SEMA6D: variants seen among roughly 807,000 people sequenced by gnomAD.
The protein encoded by SEMA6D is semaphorin-6D.
In SEMA6D, 35 loss-of-function variants were observed where a neutral mutation model predicts 106.6. The observed-to-expected ratio is 0.33, with a 90% CI of 0.25 to 0.44. SEMA6D has a LOEUF of 0.44. Ranked by LOEUF, SEMA6D falls within the 20% of genes least tolerant of loss-of-function variation. SEMA6D has a pLI of 1.00. For missense variants in SEMA6D, 1,185 were observed against 1,345.9 expected, an observed-to-expected ratio of 0.88 and a Z score of 1.87; for synonymous variants, 499 against 487.7, an observed-to-expected ratio of 1.02 and a Z score of -0.31.
intron 1 of SEMA6D, among the ~76,000 whole-genome samples, chr15:47,410,049 A>G (rs189848909): frequency 3.9e-5 from 6 of 152,170 alleles, no homozygotes; most frequent in Admixed American, 3.3e-4. Flanking sequence ...TGCTTGGCTC[A>G]CTGCAGCCTC....
At chr15:47,257,152 G>T (rs966120472) in intron 1 of SEMA6D, among the ~76,000 whole-genome samples, 3 of 151,450 alleles carry the variant, frequency 2.0e-5, no homozygotes, top group African/African-American at 7.3e-5. Context: ...CTGCCTCCCG[G>T]GTTCATGCCA....
chr15:47,726,276 C>A (rs1011656526), intron 1 of SEMA6D, among the ~76,000 whole-genome samples: 1 of 152,256 alleles, frequency 6.6e-6, no homozygotes, highest in African/African-American at 2.4e-5. Flanking sequence ...CTCACTCTAC[C>A]TCTGGGAGTA....
At chr15:47,217,874 T>TACACACACACACACACAC (rs150525483) in intron 1 of SEMA6D, among the ~76,000 whole-genome samples, 133 of 143,142 alleles carry the variant, frequency 9.3e-4, no homozygotes, top group African/African-American at 3.3e-3. Context: ...TGTACACACA[T>TACACACACACACACACAC]ACACACACAC....
At chr15:47,242,933 G>A (rs1472422350) in intron 1 of SEMA6D, among the ~76,000 whole-genome samples, 1 of 152,062 alleles carries the variant, frequency 6.6e-6, no homozygotes, top group Admixed American at 6.6e-5. Context: ...TTAAACAGCT[G>A]TGGTCTATTA....
chr15:47,340,846 A>G lies in SEMA6D; in HGVS notation c.-238-71547A>G, dbSNP rs1261835732. On this transcript the variant is annotated intron_variant, in intron 1 of 19. Coordinates refer to the SEMA6D transcript ENST00000558014. ...CCTGGTGTTTCCTGATGAAATTCTCAATATCTCCTGGTGCCATTAGAATGG... is the reference window on the plus strand; with the variant it reads ...CCTGGTGTTTCCTGATGAAATTCTCGATATCTCCTGGTGCCATTAGAATGG... 1.1e-4 allele frequency among the ~76,000 whole-genome samples: 16 copies of G among 152,276 alleles called. No individual in the cohort carries two copies. In the South Asian group the frequency reaches 3.1e-3, roughly 30 times the overall value.
chr15:47,192,804 A>C (rs749975014), intron 1 of SEMA6D, among the ~76,000 whole-genome samples: 1 of 152,208 alleles, frequency 6.6e-6, no homozygotes, highest in Non-Finnish European at 1.5e-5. Flanking sequence ...AGACAACTTG[A>C]TGGGAAGATT....
rs1409621034 is a variant in SEMA6D, at chr15:47,342,519, A to T, written c.-238-69874A>T. ...GAAATTTTAACAAGTGTTTATTGTT[A>T]AAGTGTTTCAAATGGTTATTGTTTT... On this transcript the variant is annotated intron_variant, in intron 1 of 19. Coordinates refer to the SEMA6D transcript ENST00000558014. Among the ~76,000 whole-genome samples the T allele has an allele frequency of 3.9e-5, 6 of 152,352 alleles. No homozygotes were observed. In the South Asian group the frequency reaches 1.2e-3, roughly 32 times the overall value.
At chr15:47,474,389 A>C (rs896501377) in intron 3 of SEMA6D, among the ~76,000 whole-genome samples, 4 of 152,144 alleles carry the variant, frequency 2.6e-5, no homozygotes, top group Admixed American at 6.5e-5. Flanking sequence ...TTTTTTTTCT[A>C]TTATACCATG....
intron 1 of SEMA6D, among the ~76,000 whole-genome samples, chr15:47,755,875 AT>A (rs1451004754): frequency 3.4e-5 from 5 of 149,066 alleles, no homozygotes; most frequent in Non-Finnish European, 7.4e-5. Flanking sequence ...ATGTATAATA[AT>A]ATAAGTATAA....
Position 47,773,662 on chromosome 15 carries a change from T to C in SEMA6D, c.*1877T>C, listed in dbSNP as rs2082727313. On this transcript the variant is annotated 3_prime_UTR_variant, in exon 19 of 19. Coordinates refer to ENST00000536845, the MANE Select transcript of SEMA6D (RefSeq NM_001358351.3). ...CAGTTATTCTTTTTTTTAAAGAACA[T>C]TGTTTTATAAAGAACGTGATTTCCA... The C allele has an allele frequency of 6.6e-6, 1 of 152,628 alleles. No individual in the cohort carries two copies. The highest frequency in any genetic ancestry group is 1.5e-5 in the Non-Finnish European group (1 of 68,032). The allele number at this position is 152,628 out of a possible 1,614,324, so 9.5% of individuals were successfully genotyped here. A position where few individuals can be genotyped will look rare whatever the true frequency, so the allele number is the denominator to read the frequency against.
chr15:47,523,800 G>A (rs2141970352), intron 3 of SEMA6D, among the ~76,000 whole-genome samples: 1 of 152,254 alleles, frequency 6.6e-6, no homozygotes, highest in South Asian at 2.1e-4. Flanking sequence ...TTTTCAGATT[G>A]CTTCCTCTAC....
chr15:47,262,596 A>C (rs769647860), intron 1 of SEMA6D, among the ~76,000 whole-genome samples: 3 of 152,112 alleles, frequency 2.0e-5, no homozygotes, highest in Non-Finnish European at 4.4e-5. Context: ...CACTCTTGAC[A>C]CATGGGGATT....
chr15:47,685,149 G>T (rs765599452), intron 4 of SEMA6D, among the ~76,000 whole-genome samples: 1 of 152,102 alleles, frequency 6.6e-6, no homozygotes, highest in South Asian at 2.1e-4. Flanking sequence ...TTTCCAAGCG[G>T]TCTGTTTCTC....
intron 1 of SEMA6D, among the ~76,000 whole-genome samples, chr15:47,267,143 A>G (rs944572072): frequency 6.6e-6 from 1 of 152,218 alleles, no homozygotes; most frequent in African/African-American, 2.4e-5. Flanking sequence ...ATTCTTGAAC[A>G]TTCTCTGAGT....
intron 4 of SEMA6D, among the ~76,000 whole-genome samples, chr15:47,620,437 C>G (rs535285276): frequency 4.6e-5 from 7 of 152,118 alleles, no homozygotes; most frequent in Non-Finnish European, 1.0e-4. Context: ...ACAATGGGGA[C>G]TTGTAATTTC....
At chr15:47,262,710 A>G (rs1330387969) in intron 1 of SEMA6D, among the ~76,000 whole-genome samples, 7 of 152,110 alleles carry the variant, frequency 4.6e-5, no homozygotes, top group Non-Finnish European at 1.0e-4. Context: ...TAAAATTCAC[A>G]TGGAACCACA....
At chr15:47,228,093 T>A (rs1340336463) in intron 1 of SEMA6D, among the ~76,000 whole-genome samples, 2 of 144,342 alleles carry the variant, frequency 1.4e-5, no homozygotes, top group Non-Finnish European at 3.0e-5. Flanking sequence ...AATCCATACA[T>A]CATATATTTT....
rs564481482 is a variant in SEMA6D at position 47,756,430 on chromosome 15, C to G, written c.-54-3315C>G. On this transcript the variant is annotated intron_variant, in intron 1 of 18. Transcript: ENST00000536845. ...TACTAAAGATTTACTGCGGAGCAGG[C>G]TCTGTGTTAGATGCCTCATACTGAT... Among the ~76,000 whole-genome samples the G allele has an allele frequency of 1.6e-4, 25 of 152,232 alleles. 1 individual carries two copies. The South Asian group carries it at 1.7e-3, about 10-fold the overall frequency.
At chr15:47,285,433 G>A (rs546700460) in intron 1 of SEMA6D, among the ~76,000 whole-genome samples, 13 of 150,866 alleles carry the variant, frequency 8.6e-5, no homozygotes, top group Non-Finnish European at 1.8e-4. Flanking sequence ...CAGTTTGTTT[G>A]TTTTTTTCTT....
Sources: allele counts gnomAD v4.1 joint callset (sites outside exome capture counted in the v4.1 genomes callset), GRCh38; gene constraint gnomAD v4.1.1; transcripts MANE v1.5; gene names NCBI Gene and HGNC (gene_info 2026-07-23, HGNC 2026-07-21).